SGCZ: variants seen among roughly 807,000 people sequenced by gnomAD.
SGCZ encodes the protein sarcoglycan zeta, also known as zeta-sarcoglycan.
A neutral mutation model predicts 41.3 loss-of-function variants in SGCZ; 40 were observed. That is an observed-to-expected ratio of 0.97 (90% CI 0.75 to 1.26). The LOEUF (loss-of-function observed/expected upper bound fraction) is 1.26, where lower values mean the gene tolerates loss of function less well. Ranked by LOEUF, SGCZ falls within the 50% of genes most tolerant of loss-of-function variation. SGCZ has a pLI of 0.00. For synonymous variants in SGCZ, 206 were observed against 137.5 expected (o/e 1.50, Z -3.49); for missense variants, 552 against 369.8 (o/e 1.49, Z -4.04).
intron 3 of SGCZ, among the ~76,000 whole-genome samples, chr8:14,284,227 C>T (rs1438379366): frequency 6.6e-6 from 1 of 152,144 alleles, no homozygotes; most frequent in Admixed American, 6.5e-5. Context: ...CCCACCTCTA[C>T]AAAACATTTG....
intron 1 of SGCZ, among the ~76,000 whole-genome samples, chr8:14,761,539 A>ATT (rs373649476): frequency 0.036 from 4,924 of 135,644 alleles, 291 homozygotes; most frequent in African/African-American, 0.11. Context: ...TTATTTATTT[A>ATT]TTTTTTTTTT....
rs148254494 is a variant in SGCZ at position 15,011,963 on chromosome 8, A to AT, written c.39+225621dup. Among the ~76,000 whole-genome samples the AT allele has an allele frequency of 7.3e-3, 1,116 of 152,292 alleles. 5 individuals carry two copies. Among genetic ancestry groups the AT allele is most frequent in the Non-Finnish European group, 0.012 (793 of 68,028 alleles). On this transcript the variant is annotated intron_variant, in intron 1 of 7. Coordinates refer to ENST00000382080, the MANE Select transcript of SGCZ (RefSeq NM_139167.4). The stretch of plus-strand genomic sequence containing the variant: ...TAATTTTGGCATAATTTACCAAGAA[A>AT]TTACGTCAAAGAAGAGTAGCTCTAT...
intron 3 of SGCZ, among the ~76,000 whole-genome samples, chr8:14,292,716 A>G (rs532005356): frequency 6.4e-4 from 98 of 152,152 alleles, no homozygotes; most frequent in Admixed American, 2.4e-3. Context: ...GACATTAGAC[A>G]GGTTCTTTTA....
chr8:14,446,883 T>C (rs1243220031), intron 2 of SGCZ, among the ~76,000 whole-genome samples: 1 of 152,198 alleles, frequency 6.6e-6, no homozygotes, highest in Non-Finnish European at 1.5e-5. Flanking sequence ...GAGGAGATTA[T>C]AGCAGATCAA....
intron 1 of SGCZ, among the ~76,000 whole-genome samples, chr8:15,117,897 T>C (rs992494357): frequency 2.6e-5 from 4 of 152,230 alleles, no homozygotes; most frequent in African/African-American, 9.6e-5. Context: ...CACTTATGCC[T>C]TAGGTATTAA....
chr8:15,156,826 T>A (rs982901776), intron 1 of SGCZ, among the ~76,000 whole-genome samples: 2 of 151,306 alleles, frequency 1.3e-5, no homozygotes, highest in African/African-American at 4.9e-5. Context: ...TGCCTTGTAA[T>A]CCCAGCTACT....
At chr8:14,354,223 A>G (rs1220377892) in intron 2 of SGCZ, among the ~76,000 whole-genome samples, 2 of 152,002 alleles carry the variant, frequency 1.3e-5, no homozygotes, top group African/African-American at 4.8e-5. Flanking sequence ...CACAGTGCCT[A>G]ATAAAGAAAA....
At chr8:14,186,083 G>T (rs1804892791) in intron 4 of SGCZ, among the ~76,000 whole-genome samples, 1 of 152,088 alleles carries the variant, frequency 6.6e-6, no homozygotes, top group Non-Finnish European at 1.5e-5. Context: ...CAGGGAATGG[G>T]GCCACAGGGC....
At chr8:14,322,854 T>A (rs1801972219) in intron 3 of SGCZ, among the ~76,000 whole-genome samples, 1 of 152,154 alleles carries the variant, frequency 6.6e-6, no homozygotes, top group African/African-American at 2.4e-5. Context: ...AGATGGTGAC[T>A]ATCAATGAAA....
In SGCZ at chr8:14,403,344, G is replaced by C. The variant is rs907813050; in HGVS notation, c.235-79140C>G. On this transcript the variant is annotated intron_variant, in intron 2 of 7. Transcript: ENST00000382080. ...ACACTATCTTGAATAGGAGTGGTGA[G>C]AGAGGGCATCCCTGTCTTGTGCCAC... Among the ~76,000 whole-genome samples the C allele has an allele frequency of 7.3e-5, 11 of 150,766 alleles. 1 individual carries two copies. The highest frequency in any genetic ancestry group is 3.2e-3 in the Middle Eastern group (1 of 316).
At chr8:14,359,482 A>C (rs1270368355) in intron 2 of SGCZ, among the ~76,000 whole-genome samples, 1 of 152,182 alleles carries the variant, frequency 6.6e-6, no homozygotes, top group East Asian at 1.9e-4. Flanking sequence ...GTTATGCCAC[A>C]AAACAAATCT....
intron 2 of SGCZ, among the ~76,000 whole-genome samples, chr8:14,534,743 A>G (rs1242667213): frequency 3.3e-5 from 5 of 152,022 alleles, no homozygotes; most frequent in Admixed American, 3.3e-4. Flanking sequence ...CATTGAAAGA[A>G]AGTACAACTT....
At chr8:14,579,585 G>A (rs1804819598) in intron 1 of SGCZ, among the ~76,000 whole-genome samples, 1 of 152,150 alleles carries the variant, frequency 6.6e-6, no homozygotes. Context: ...AGAATATACA[G>A]GTTCAGGGAA....
At chr8:14,990,422 G>T (rs141811605) in intron 1 of SGCZ, among the ~76,000 whole-genome samples, 50 of 152,046 alleles carry the variant, frequency 3.3e-4, no homozygotes, top group African/African-American at 1.1e-3. Context: ...ACTTTCAGCC[G>T]CTCCCCATCG....
intron 1 of SGCZ, among the ~76,000 whole-genome samples, chr8:14,840,357 A>G (rs548850542): frequency 6.6e-6 from 1 of 152,258 alleles, no homozygotes; most frequent in South Asian, 2.1e-4. Flanking sequence ...TCAATAACTG[A>G]ATCAATAATC....
chr8:14,151,487 T>C (rs1457163595), intron 5 of SGCZ, among the ~76,000 whole-genome samples: 1 of 151,966 alleles, frequency 6.6e-6, no homozygotes, highest in Non-Finnish European at 1.5e-5. Context: ...GATCAGAGGA[T>C]TCAATATAGT....
chr8:14,604,947 T>C lies in SGCZ; in HGVS notation c.40-50021A>G, dbSNP rs184314679. 5.9e-5 allele frequency among the ~76,000 whole-genome samples: 9 copies of C among 152,294 alleles called. No homozygotes were observed. The East Asian group carries it at 1.7e-3, about 29-fold the overall frequency. Reference sequence around the variant, plus strand: ...GAATGACAAATTTCAAAGTGCTCTATTTGCAACATGGAAATATTAATTGAT... The same window carrying C: ...GAATGACAAATTTCAAAGTGCTCTACTTGCAACATGGAAATATTAATTGAT... On this transcript the variant is annotated intron_variant, in intron 1 of 7. Transcript: ENST00000382080.
intron 1 of SGCZ, among the ~76,000 whole-genome samples, chr8:14,695,034 A>G (rs867834195): frequency 1.3e-5 from 2 of 152,224 alleles, no homozygotes; most frequent in African/African-American, 4.8e-5. Context: ...GAGACTTGCA[A>G]TGCCTTGGAA....
intron 3 of SGCZ, among the ~76,000 whole-genome samples, chr8:14,287,176 C>A (rs1008035912): frequency 1.3e-5 from 2 of 151,166 alleles, no homozygotes; most frequent in Non-Finnish European, 3.0e-5. Context: ...TGTTGCAAAT[C>A]ATTTCCTGTT....
Sources: allele counts gnomAD v4.1 joint callset (sites outside exome capture counted in the v4.1 genomes callset), GRCh38; gene constraint gnomAD v4.1.1; transcripts MANE v1.5; gene names NCBI Gene and HGNC (gene_info 2026-07-23, HGNC 2026-07-21).